The following GNG2 variants were observed in gnomAD, a reference collection of about 807,000 sequenced individuals.
GNG2 encodes the protein guanine nucleotide-binding protein G(I)/G(S)/G(O) subunit gamma-2.
GNG2 carries 5 observed loss-of-function variants against 5.5 expected under a neutral mutation model. The observed-to-expected ratio is 0.91, with a 90% CI of 0.48 to 1.92. The LOEUF is 1.92. Among genes scored for constraint, GNG2 ranks in the 30% most tolerant of loss-of-function variants. The probability of loss-of-function intolerance (pLI) is 0.01; values close to 1 mark genes in which losing one functional copy is unlikely to be tolerated. For missense variants in GNG2, 55 were observed against 88.4 expected (o/e 0.62, Z 1.52); for synonymous variants, 28 against 32.0 (o/e 0.88, Z 0.42).
intron 2 of GNG2, among the ~76,000 whole-genome samples, chr14:51,917,074 A>G (rs1024599167): frequency 6.6e-6 from 1 of 152,178 alleles, no homozygotes; most frequent in Non-Finnish European, 1.5e-5. Flanking sequence ...GACTGTGGCT[A>G]GAGGGGAGGA....
intron 3 of GNG2, among the ~76,000 whole-genome samples, chr14:51,954,380 G>A (rs1448529061): frequency 2.0e-5 from 3 of 152,150 alleles, no homozygotes; most frequent in African/African-American, 2.4e-5. Context: ...GAATGAAACA[G>A]CAATAGACTC....
chr14:51,909,580 C>T (rs140887327), intron 2 of GNG2, among the ~76,000 whole-genome samples: 1 of 152,160 alleles, frequency 6.6e-6, no homozygotes, highest in Non-Finnish European at 1.5e-5. Context: ...GCTGTAAGAT[C>T]ATAGCAACCA....
At chr14:51,908,327 T>TTCTA (rs2140195160) in intron 2 of GNG2, among the ~76,000 whole-genome samples, 1 of 152,300 alleles carries the variant, frequency 6.6e-6, no homozygotes, top group African/African-American at 2.4e-5. Flanking sequence ...ATATCATCAT[T>TTCTA]TCTATACTAT....
At chr14:51,862,565 T>TG (rs1882585826) in intron 1 of GNG2, among the ~76,000 whole-genome samples, 1 of 152,258 alleles carries the variant, frequency 6.6e-6, no homozygotes, top group African/African-American at 2.4e-5. Flanking sequence ...CTCTGCAGGC[T>TG]GTATTCACTA....
intron 2 of GNG2, among the ~76,000 whole-genome samples, chr14:51,934,517 A>G (rs57334250): frequency 1.1e-3 from 174 of 152,294 alleles, no homozygotes; most frequent in African/African-American, 4.0e-3. Context: ...GAAAGGAATC[A>G]AGCAGTCATT....
At chr14:51,949,710 A>G (rs555523915) in intron 2 of GNG2, among the ~76,000 whole-genome samples, 1 of 152,354 alleles carries the variant, frequency 6.6e-6, no homozygotes, top group Admixed American at 6.5e-5. Context: ...CTAAAATTGC[A>G]TATGACACCT....
intron 2 of GNG2, among the ~76,000 whole-genome samples, chr14:51,947,937 G>C (rs371747953): frequency 3.8e-4 from 58 of 152,244 alleles, no homozygotes; most frequent in African/African-American, 1.3e-3. Context: ...TCACATCAAA[G>C]GTAACCATCT....
chr14:51,907,540 A>G (rs1167412590), intron 2 of GNG2, among the ~76,000 whole-genome samples: 1 of 152,226 alleles, frequency 6.6e-6, no homozygotes, highest in Non-Finnish European at 1.5e-5. Flanking sequence ...GCCTTTAGCA[A>G]GGAAACAATG....
intron 3 of GNG2, among the ~76,000 whole-genome samples, chr14:51,956,533 G>A (rs1889281692): frequency 6.6e-6 from 1 of 152,166 alleles, no homozygotes; most frequent in South Asian, 2.1e-4. Context: ...AGTGGTGTGA[G>A]TATAGATTAG....
intron 3 of GNG2, among the ~76,000 whole-genome samples, chr14:51,951,649 T>C (rs1888981182): frequency 6.6e-6 from 1 of 152,232 alleles, no homozygotes; most frequent in Non-Finnish European, 1.5e-5. Flanking sequence ...ATTTTCTCCA[T>C]ACCTAATTCA....
At chr14:51,869,781 G>A (rs1883177959) in intron 1 of GNG2, among the ~76,000 whole-genome samples, 1 of 152,166 alleles carries the variant, frequency 6.6e-6, no homozygotes, top group African/African-American at 2.4e-5. Context: ...CCAAAGTGCT[G>A]GGATTACAGG....
intron 2 of GNG2, among the ~76,000 whole-genome samples, chr14:51,851,924 C>T (rs934631068): frequency 5.3e-5 from 8 of 152,210 alleles, no homozygotes; most frequent in Non-Finnish European, 8.8e-5. Context: ...TCCACTTTTA[C>T]ATCAGCTCTG....
chr14:51,910,060 A>C (rs1437295345), intron 2 of GNG2, among the ~76,000 whole-genome samples: 2 of 152,242 alleles, frequency 1.3e-5, no homozygotes, highest in African/African-American at 4.8e-5. Flanking sequence ...GATAAGCCCT[A>C]TGTATGTAAT....
chr14:51,844,785 G>T (rs568183461), intron 2 of GNG2, among the ~76,000 whole-genome samples: 109 of 152,186 alleles, frequency 7.2e-4, no homozygotes, highest in African/African-American at 2.4e-3. Context: ...TAGTGCAATG[G>T]CATGATCTTG....
At chr14:51,852,385 T>C (rs1037184211) in intron 2 of GNG2, among the ~76,000 whole-genome samples, 15 of 152,382 alleles carry the variant, frequency 9.8e-5, no homozygotes, top group African/African-American at 3.4e-4. Context: ...CTGTGTCCTA[T>C]GCACTGAGCA....
chr14:51,844,649 A>G (rs1396053732), intron 2 of GNG2, among the ~76,000 whole-genome samples: 1 of 152,076 alleles, frequency 6.6e-6, no homozygotes, highest in Non-Finnish European at 1.5e-5. Flanking sequence ...TCCCGGGAGA[A>G]CCTACCATAG....
intron 2 of GNG2, among the ~76,000 whole-genome samples, chr14:51,829,392 C>A (rs1374638931): frequency 6.6e-6 from 1 of 152,156 alleles, no homozygotes; most frequent in African/African-American, 2.4e-5. Flanking sequence ...CCCCCAAACA[C>A]TTACTCCCTC....
At chr14:51,914,965 A>G (rs775708672) in intron 2 of GNG2, among the ~76,000 whole-genome samples, 2 of 152,224 alleles carry the variant, frequency 1.3e-5, no homozygotes, top group Non-Finnish European at 2.9e-5. Flanking sequence ...AGGCAAGGCC[A>G]AAAAGCCTGT....
intron 2 of GNG2, among the ~76,000 whole-genome samples, chr14:51,888,690 T>A (rs1262850364): frequency 6.6e-6 from 1 of 152,246 alleles, no homozygotes; most frequent in African/African-American, 2.4e-5. Flanking sequence ...CCAGGAGTAG[T>A]GCAGTTTACA....
Sources: gnomAD v4.1 joint callset for allele counts (sites outside exome capture counted in the v4.1 genomes callset) on GRCh38, gnomAD v4.1.1 for gene constraint, MANE v1.5 for transcripts, NCBI Gene and HGNC (gene_info 2026-07-23, HGNC 2026-07-21) for gene names.